The following LYAR variants were observed in gnomAD, a reference collection of about 807,000 sequenced individuals.
The protein encoded by LYAR is Ly1 antibody reactive, also known as cell growth-regulating nucleolar protein.
A neutral mutation model predicts 45.2 loss-of-function variants in LYAR; 37 were observed. The observed-to-expected ratio is 0.82, with a 90% CI of 0.63 to 1.08. The LOEUF (loss-of-function observed/expected upper bound fraction) is 1.08, where lower values mean the gene tolerates loss of function less well. LYAR is among the 50% of genes least tolerant of loss of function. The pLI, the probability that LYAR is intolerant of heterozygous loss-of-function variation, is 0.00. For missense variants in LYAR, 493 were observed against 451.0 expected (o/e 1.09, Z -0.84); for synonymous variants, 176 against 155.1 (o/e 1.14, Z -1.00).
chr4:4,272,445 A>G lies in LYAR; in HGVS notation c.919+1138T>C, dbSNP rs115145316. On this transcript the variant is annotated intron_variant, in intron 8 of 9. Coordinates refer to ENST00000343470, the MANE Select transcript of LYAR (RefSeq NM_017816.3). ...CCCTATATATACTGTCTTTCCCTAA[A>G]TATTCATTCATGCCTATGACAATGC... is the stretch of plus-strand genomic sequence containing the variant. Among the ~76,000 whole-genome samples the G allele has an allele frequency of 5.2e-3, 785 of 152,332 alleles. 6 individuals are homozygous for G. The highest frequency in any genetic ancestry group is 0.018 in the African/African-American group (752 of 41,564).
chr4:4,268,335 T>C (rs1175206907), intron 9 of LYAR, among the ~76,000 whole-genome samples, 195 bp downstream of exon 9: 1 of 152,144 alleles, frequency 6.6e-6, no homozygotes, highest in African/African-American at 2.4e-5. Flanking sequence ...CTCTTCAAAG[T>C]CTTATAAACA....
intron 6 of LYAR, among the ~76,000 whole-genome samples, chr4:4,276,166 G>C (rs1235425657): frequency 6.6e-6 from 1 of 152,204 alleles, no homozygotes; most frequent in Admixed American, 6.5e-5. Context: ...GGGAAAGAGA[G>C]TGGCCAGTGG....
At chr4:4,269,432 C>T (rs1246410518) in intron 8 of LYAR, among the ~76,000 whole-genome samples, 1 of 152,168 alleles carries the variant, frequency 6.6e-6, no homozygotes, top group African/African-American at 2.4e-5. Context: ...TCTCTACCCT[C>T]GCAAGGCTGT....
chr4:4,287,974 AG>A (rs1719680335), intron 1 of LYAR, among the ~76,000 whole-genome samples: 1 of 152,224 alleles, frequency 6.6e-6, no homozygotes. Context: ...GGAACTTGTT[AG>A]TCTTCTCTTA....
At chr4:4,285,592 A>G (rs1261264061) in intron 2 of LYAR, among the ~76,000 whole-genome samples, 2 of 152,264 alleles carry the variant, frequency 1.3e-5, no homozygotes, top group Non-Finnish European at 2.9e-5. Context: ...GATTGTCATC[A>G]CAGGCACAAG....
At chr4:4,273,064 G>C (rs1024095471) in intron 8 of LYAR, among the ~76,000 whole-genome samples, 1 of 152,220 alleles carries the variant, frequency 6.6e-6, no homozygotes, top group African/African-American at 2.4e-5. Flanking sequence ...GAGATGGGCA[G>C]GGGCACAGTT....
chr4:4,281,784 T>C lies in LYAR; in HGVS notation c.236A>G (p.Gln79Arg). The change falls in exon 4 of 10, where the codon CAG becomes CGG. Residue 79 changes from glutamine to arginine, a missense_variant and splice_region_variant. By Grantham distance (43) the Gln-to-Arg change is conservative (BLOSUM62 1). Coordinates refer to ENST00000343470, the MANE Select transcript of LYAR (RefSeq NM_017816.3). Reference sequence around the variant, plus strand: ...CTCAATGAGTTAGAGAGACGTTACCTGAATCCACGCCTGCTGTTTGATGTC... The same window carrying C: ...CTCAATGAGTTAGAGAGACGTTACCCGAATCCACGCCTGCTGTTTGATGTC... ...KGDIKQQAWIQKISELIKRPN... is the reference protein window; with the variant it reads ...KGDIKQQAWIRKISELIKRPN... 1 of 1,612,472 alleles carries C rather than the reference T, an allele frequency of 6.2e-7. No homozygotes were observed. The highest frequency in any genetic ancestry group is 1.1e-5 in the South Asian group (1 of 91,040).
At chr4:4,279,096 A>C (rs1719296488) in intron 6 of LYAR, among the ~76,000 whole-genome samples, 1 of 152,110 alleles carries the variant, frequency 6.6e-6, no homozygotes, top group Admixed American at 6.6e-5. Flanking sequence ...AGGCCAACGC[A>C]GGCAGGTCAC....
chr4:4,272,957 C>G (rs1719001503), intron 8 of LYAR, among the ~76,000 whole-genome samples: 1 of 152,102 alleles, frequency 6.6e-6, no homozygotes. Flanking sequence ...AGGAGAGAAG[C>G]TTTGTGTAAG....
chr4:4,279,008 G>A (rs1449114545), intron 6 of LYAR, among the ~76,000 whole-genome samples: 1 of 152,088 alleles, frequency 6.6e-6, no homozygotes, highest in African/African-American at 2.4e-5. Flanking sequence ...TTCCATAAAT[G>A]AAGGCACTAA....
chr4:4,274,109 C>G (rs1719069963), intron 7 of LYAR, among the ~76,000 whole-genome samples: 7 of 152,096 alleles, frequency 4.6e-5, no homozygotes, highest in Admixed American at 4.6e-4. Context: ...TGGTGACACA[C>G]GTCTGTAATC....
Position 4,268,017 on chromosome 4 carries a change from C to CT in LYAR, c.1011dup (p.Ala338SerfsTer9). The CT allele has an allele frequency of 1.3e-6, 2 of 1,578,224 alleles. No homozygotes were observed. Among genetic ancestry groups the CT allele is most frequent in the Non-Finnish European group, 8.6e-7 (1 of 1,166,782 alleles). ...TCATCTGTCACTGTGTAGTACTGAG[C>CT]TAAAACCTTCACAAAGAAAAACATC... On this transcript the variant is annotated frameshift_variant, in exon 10 of 10. Coordinates refer to ENST00000343470, the MANE Select transcript of LYAR (RefSeq NM_017816.3). LOFTEE classifies it high-confidence loss of function.
rs1718781878 is a variant in LYAR at position 4,267,987 on chromosome 4, G to A, written c.1042C>T (p.His348Tyr). 6.2e-7 allele frequency: 1 copy of A among 1,612,190 alleles called. No homozygotes were observed. Among genetic ancestry groups the A allele is most frequent in the African/African-American group, 1.3e-5 (1 of 74,884 alleles). Residue 348 changes from histidine to tyrosine, a missense_variant, in exon 10 of 10, where the codon CAC (histidine) becomes TAC (tyrosine). Physicochemically the swap from His to Tyr is moderately conservative, Grantham distance 83 (BLOSUM62 2). Transcript: ENST00000343470. ...ACCAGGAGTTCCTCTTCGGATCTGT[G>A]ATGCTCATCTGTCACTGTGTAGTAC... Reference protein sequence around the residue: ...AQYYTVTDEHHRSEEELLVIF... With the variant: ...AQYYTVTDEHYRSEEELLVIF...
chr4:4,268,415 A>T (rs966949996), intron 9 of LYAR, 115 bp downstream of exon 9: 6 of 717,636 alleles, frequency 8.4e-6, no homozygotes, highest in South Asian at 7.8e-5. Flanking sequence ...AATCACTGAG[A>T]CACACACACA....
At chr4:4,276,531 G>T (rs1719184328) in intron 6 of LYAR, among the ~76,000 whole-genome samples, 4 of 125,806 alleles carry the variant, frequency 3.2e-5, no homozygotes. Flanking sequence ...TGACAAGAAT[G>T]AAACTCTGTC....
chr4:4,284,706 GT>G (rs1192744065), intron 2 of LYAR, among the ~76,000 whole-genome samples: 1 of 128,922 alleles, frequency 7.8e-6, no homozygotes, highest in Non-Finnish European at 1.6e-5. Flanking sequence ...AGAAGTCACA[GT>G]AATTTTCCAT....
chr4:4,281,946 G>A (rs775384124), intron 3 of LYAR, 49 bp from the exon 4 acceptor site: 5 of 1,217,592 alleles, frequency 4.1e-6, no homozygotes, highest in Non-Finnish European at 6.1e-6. Context: ...CCAAGTTGGA[G>A]GCGCTAATAC....
chr4:4,275,412 A>G (rs1387862691), intron 6 of LYAR, among the ~76,000 whole-genome samples: 1 of 150,994 alleles, frequency 6.6e-6, no homozygotes, highest in Admixed American at 6.6e-5. Context: ...AGTTACCATT[A>G]GAAGAATGGT....
rs558832765 is a variant in LYAR, at chr4:4,289,091, C to T, written c.-108+945G>A. Among the ~76,000 whole-genome samples, 35 of 152,294 alleles carry T rather than the reference C, an allele frequency of 2.3e-4. No individual in the cohort carries two copies. The East Asian group carries it at 6.2e-3, about 27-fold the overall frequency. ...TACTCTGTCCACCATCCTGCCTAAA[C>T]CTTTGTGTATGAGGCTGACAAGGGT... is the stretch of plus-strand genomic sequence containing the variant. On this transcript the variant is annotated intron_variant, in intron 1 of 9. Transcript: ENST00000343470.
Sources: allele counts gnomAD v4.1 joint callset (sites outside exome capture counted in the v4.1 genomes callset), GRCh38; gene constraint gnomAD v4.1.1; transcripts MANE v1.5; gene names NCBI Gene and HGNC (gene_info 2026-07-23, HGNC 2026-07-21).